Variants in ATAD2 observed in about 807,000 individuals in gnomAD.
ATAD2 encodes ATPase family AAA domain containing 2.
In ATAD2, 62 loss-of-function variants were observed where a neutral mutation model predicts 168.9. That is an observed-to-expected ratio of 0.37 (90% CI 0.30 to 0.45). The LOEUF is 0.45. Ranked by LOEUF, ATAD2 falls within the 20% of genes least tolerant of loss-of-function variation. The pLI, the probability that ATAD2 is intolerant of heterozygous loss-of-function variation, is 1.00. For synonymous variants in ATAD2, 613 were observed against 571.6 expected, an observed-to-expected ratio of 1.07 and a Z score of -1.03; for missense variants, 1,419 against 1,667.8, an observed-to-expected ratio of 0.85 and a Z score of 2.60.
intron 24 of ATAD2, among the ~76,000 whole-genome samples, chr8:123,328,798 ATTTTT>A (rs35015706): frequency 9.5e-5 from 12 of 126,916 alleles, no homozygotes; most frequent in Admixed American, 2.7e-4. Context: ...TTATCTTGAA[ATTTTT>A]TTTTTTTTTT....
intron 15 of ATAD2, 80 bp from the exon 16 acceptor site, chr8:123,347,486 TA>T (rs1055313074): frequency 2.5e-3 from 3,035 of 1,190,746 alleles, no homozygotes; most frequent in Non-Finnish European, 2.8e-3. Flanking sequence ...TGACCATGGT[TA>T]AAAAAAAAAT....
chr8:123,329,744 C>G (rs963581575), intron 24 of ATAD2, among the ~76,000 whole-genome samples: 3 of 26,674 alleles, frequency 1.1e-4, no homozygotes, highest in East Asian at 1.3e-3. Flanking sequence ...GCAACTCCGT[C>G]TCAAAAAAAA....
At chr8:123,406,505 TATA>T (rs1209447951) in intron 1 of ATAD2, among the ~76,000 whole-genome samples, 2 of 151,804 alleles carry the variant, frequency 1.3e-5, no homozygotes, top group African/African-American at 4.8e-5. Flanking sequence ...ATTCTCTCTT[TATA>T]ATATTAAACA....
Position 123,325,925 on chromosome 8 carries a change from G to A in ATAD2, c.3970C>T (p.Pro1324Ser). Residue 1324 changes from proline to serine, a missense_variant, in exon 26 of 28, where the codon CCC becomes TCC. Transcript: ENST00000287394. ...KALAILSQPT[P>S]SLVVDHERLK... ...CGCTCATGATCCACAACAAGTGAGG[G>A]TGTAGGCTGAGAAAGAATTGCCAAA... 1.9e-6 allele frequency: 3 copies of A among 1,614,152 alleles called. No homozygotes were observed. The highest frequency in any genetic ancestry group is 2.5e-6 in the Non-Finnish European group (3 of 1,180,008).
chr8:123,342,071 A>G (rs1178197242), intron 19 of ATAD2, among the ~76,000 whole-genome samples: 2 of 152,218 alleles, frequency 1.3e-5, no homozygotes, highest in Non-Finnish European at 2.9e-5. Flanking sequence ...TAGGCAACAC[A>G]GTGCGACTCC....
upstream of ATAD2, chr8:123,401,401 G>T: frequency 7.2e-7 from 1 of 1,385,900 alleles, no homozygotes. Flanking sequence ...GGACTTGTCC[G>T]AAGGGAACTT....
chr8:123,322,312 T>A (rs1398589760), intron 27 of ATAD2, among the ~76,000 whole-genome samples: 1 of 152,198 alleles, frequency 6.6e-6, no homozygotes, highest in Non-Finnish European at 1.5e-5. Context: ...GAAGCTATTA[T>A]TCTTCATTAA....
intron 13 of ATAD2, among the ~76,000 whole-genome samples, chr8:123,355,503 T>C (rs1379667194): frequency 6.6e-6 from 1 of 152,174 alleles, no homozygotes; most frequent in Non-Finnish European, 1.5e-5. Context: ...AAGCAACTAA[T>C]CATGGGGGTT....
rs756716357 is a variant in ATAD2 at position 123,346,251 on chromosome 8, C to T, written c.2367G>A (p.Met789Ile). Residue 789 changes from methionine to isoleucine, a missense_variant, in exon 18 of 28, where the codon ATG becomes ATA. Met to Ile is a conservative substitution (Grantham distance 10). Around this residue, in one of 5 missense-constraint regions of ATAD2, gnomAD observed 545 missense variants for 724.9 expected, o/e 0.75. Transcript: ENST00000287394. Reference sequence around the variant, plus strand: ...CTATCAATATTCTTGGTCGAAAAGACATAGGTTGGTAACAAGCATTTCTGA... The same window carrying T: ...CTATCAATATTCTTGGTCGAAAAGATATAGGTTGGTAACAAGCATTTCTGA... ...HLNRNACYQP[M>I]SFRPRILIVG... 3.7e-6 allele frequency: 6 copies of T among 1,601,522 alleles called. No homozygotes were observed. The Admixed American group carries it at 5.3e-5, about 14-fold the overall frequency.
intron 17 of ATAD2, 69 bp downstream of exon 17, chr8:123,346,549 C>T: frequency 7.4e-7 from 1 of 1,355,188 alleles, no homozygotes; most frequent in Non-Finnish European, 9.8e-7. Context: ...TTTATTTTTT[C>T]AACCACATCT....
Position 123,333,898 on chromosome 8 carries a change from G to A in ATAD2, c.3458C>T (p.Pro1153Leu), listed in dbSNP as rs1304065356. 1 of 1,613,984 alleles carries A rather than the reference G, an allele frequency of 6.2e-7. No individual in the cohort carries two copies. The highest frequency in any genetic ancestry group is 8.5e-7 in the Non-Finnish European group (1 of 1,179,926). Reference sequence around the variant, plus strand: ...CTTACCAGGAGTGCTGCAAGCCACAGGAGTACTCGGTGTCTTTAGCTTTTC... The same window carrying A: ...CTTACCAGGAGTGCTGCAAGCCACAAGAGTACTCGGTGTCTTTAGCTTTTC... ...QNEKLKTPST[P>L]VACSTPAQLK... is the part of the protein sequence containing the mutation. Residue 1153 changes from proline to leucine, a missense_variant, in exon 24 of 28, where the codon CCT (proline) becomes CTT (leucine). Physicochemically the swap from Pro to Leu is moderately conservative, Grantham distance 98. Transcript: ENST00000287394.
At position 123,376,496 on chromosome 8, in the gene ATAD2, A is replaced by C. The variant is rs150312519; in HGVS notation, c.321-3810T>G. Among the ~76,000 whole-genome samples, 948 of 152,166 alleles carry C rather than the reference A, an allele frequency of 6.2e-3. 5 individuals carry two copies. The highest frequency in any genetic ancestry group is 0.011 in the Non-Finnish European group (762 of 67,984). ...AGAATTGCTTGAACCTGGGAGGCAG[A>C]GGTTGCAGTGAGCCAAGACTGAACT... On this transcript the variant is annotated intron_variant, in intron 2 of 27. Coordinates refer to ENST00000287394, the MANE Select transcript of ATAD2 (RefSeq NM_014109.4).
chr8:123,336,454 G>A lies in ATAD2; in HGVS notation c.3130C>T (p.Leu1044=). ...TCTCTCAAATAGTCTTTCACAGTCA[G>A]ATACTTGTGTAGATCAATTTTACTG... ...VISKIDLHKY[L]TVKDYLRDID... The change falls in exon 22 of 28, where the codon CTG becomes TTG. Residue 1044 remains leucine, a synonymous_variant. Transcript: ENST00000287394. 6.3e-7 allele frequency: 1 copy of A among 1,580,454 alleles called. No homozygotes were observed. Among genetic ancestry groups the A allele is most frequent in the Non-Finnish European group, 8.6e-7 (1 of 1,168,266 alleles).
At chr8:123,371,557 C>G in intron 4 of ATAD2, 113 bp downstream of exon 4, 2 of 958,018 alleles carry the variant, frequency 2.1e-6, no homozygotes. Context: ...TTCTCCTGTA[C>G]GCTTTACGTA....
upstream of ATAD2, chr8:123,400,948 C>A: frequency 1.4e-6 from 2 of 1,413,494 alleles, no homozygotes; most frequent in Non-Finnish European, 1.0e-6. This position sits in a 1 kb window ranked among gnomAD's most constrained non-coding sequence, Gnocchi z 4.5. Flanking sequence ...GAGCCCCTCG[C>A]ACCCTGTGGG....
rs1829132571 is a variant in ATAD2, at chr8:123,370,926, G to A, written c.704C>T (p.Thr235Ile). The change falls in exon 6 of 28, where the codon ACT becomes ATT. Residue 235 changes from threonine (T) to isoleucine (I), a missense_variant. By Grantham distance (89) the Thr-to-Ile change is moderately conservative (BLOSUM62 -1). This residue lies in a region of ATAD2 where 419 missense variants were observed against 423.5 expected (regional missense o/e 0.99). Coordinates refer to ENST00000287394, the MANE Select transcript of ATAD2 (RefSeq NM_014109.4). ...ACCCACACTGCCTTCTTGATTATCA[G>A]TTGTTTCTTCATCAGTTCTTTGAAT... Reference protein sequence around the residue: ...KDIQRTDEETTDNQEGSVESS... With the variant: ...KDIQRTDEETIDNQEGSVESS... 2 of 1,607,236 alleles carry A rather than the reference G, an allele frequency of 1.2e-6. No individual in the cohort carries two copies. Among genetic ancestry groups the A allele is most frequent in the Admixed American group, 1.7e-5 (1 of 59,122 alleles).
At chr8:123,377,091 CAAAAAAAAA>C (rs58655606) in intron 2 of ATAD2, among the ~76,000 whole-genome samples, 7 of 27,258 alleles carry the variant, frequency 2.6e-4, no homozygotes, top group Admixed American at 7.2e-4. Context: ...GACTCCGTCT[CAAAAAAAAA>C]AAAAAAAAAA....
At chr8:123,336,218 T>C (rs1473015529) in intron 22 of ATAD2, among the ~76,000 whole-genome samples, 155 bp downstream of exon 22, 1 of 152,198 alleles carries the variant, frequency 6.6e-6, no homozygotes, top group African/African-American at 2.4e-5. Context: ...TTTTAACCTT[T>C]CTAAACTTCA....
intron 6 of ATAD2, 132 bp from the exon 7 acceptor site, chr8:123,370,156 A>C (rs534034127): frequency 7.5e-5 from 61 of 811,380 alleles, no homozygotes; most frequent in Middle Eastern, 2.9e-4. Context: ...AAAACAACAA[A>C]AAAAAACCAA....
Sources: gnomAD v4.1 joint callset for allele counts (sites outside exome capture counted in the v4.1 genomes callset) on GRCh38, gnomAD v4.1.1 for gene constraint, gnomAD v4.1.1 regional missense constraint, Gnocchi (gnomAD v3.1) non-coding constraint, MANE v1.5 for transcripts, NCBI Gene and HGNC (gene_info 2026-07-23, HGNC 2026-07-21) for gene names.